PTPRM: variants seen among roughly 807,000 people sequenced by gnomAD.
PTPRM encodes receptor-type tyrosine-protein phosphatase mu.
Under a neutral mutation model 186.7 loss-of-function variants are expected in PTPRM, and 47 were observed. The ratio of observed to expected loss-of-function variants is 0.25; its 90% CI spans 0.20 to 0.32. PTPRM has a LOEUF of 0.32. PTPRM is among the 10% of genes least tolerant of loss of function. PTPRM has a pLI of 1.00. For synonymous variants in PTPRM, 668 were observed against 674.9 expected, an observed-to-expected ratio of 0.99 and a Z score of 0.16; for missense variants, 1,494 against 1,865.0, an observed-to-expected ratio of 0.80 and a Z score of 3.66.
intron 22 of PTPRM, among the ~76,000 whole-genome samples, chr18:8,323,771 C>T (rs1018245803): frequency 5.3e-5 from 8 of 152,208 alleles, no homozygotes; most frequent in African/African-American, 1.2e-4. Context: ...AACAGGGAGA[C>T]GCTTGTGCCC....
intron 5 of PTPRM, among the ~76,000 whole-genome samples, chr18:7,928,646 A>G (rs1430397981): frequency 6.6e-6 from 1 of 152,216 alleles, no homozygotes; most frequent in Admixed American, 6.5e-5. Flanking sequence ...AATATTTATG[A>G]TATTACTTGA....
chr18:7,770,012 C>A (rs1037244872), intron 1 of PTPRM, among the ~76,000 whole-genome samples: 1 of 152,060 alleles, frequency 6.6e-6, no homozygotes, highest in Non-Finnish European at 1.5e-5. Context: ...GTGATTCCCC[C>A]CTGTGAAACA....
At chr18:8,386,015 G>C (rs915906878) in intron 30 of PTPRM, among the ~76,000 whole-genome samples, 1 of 152,068 alleles carries the variant, frequency 6.6e-6, no homozygotes, top group Admixed American at 6.5e-5. Flanking sequence ...TTCCTGTCCT[G>C]AGAGCTAGGA....
At chr18:7,898,080 T>A (rs1338649254) in intron 3 of PTPRM, among the ~76,000 whole-genome samples, 1 of 152,260 alleles carries the variant, frequency 6.6e-6, no homozygotes, top group Admixed American at 6.5e-5. Flanking sequence ...AATATTTTGC[T>A]CCTGATTCTT....
At chr18:8,399,715 C>T (rs991380277) in intron 32 of PTPRM, 2 of 152,226 alleles carry the variant, frequency 1.3e-5, no homozygotes, top group Admixed American at 1.3e-4. Context: ...CCGGATCCCT[C>T]CTCCCAGCTC....
intron 14 of PTPRM, among the ~76,000 whole-genome samples, chr18:8,243,497 T>C (rs924201047): frequency 2.6e-5 from 4 of 152,230 alleles, no homozygotes; most frequent in African/African-American, 4.8e-5. Flanking sequence ...TCTCTGAGCT[T>C]TGTAGGTTCT....
chr18:8,107,294 T>C (rs2091564965), intron 11 of PTPRM, among the ~76,000 whole-genome samples: 1 of 152,164 alleles, frequency 6.6e-6, no homozygotes, highest in Non-Finnish European at 1.5e-5. Context: ...GTGGTGCCTG[T>C]TGTGAAGATT....
chr18:8,220,595 G>A (rs1330384766), intron 14 of PTPRM, among the ~76,000 whole-genome samples: 2 of 152,190 alleles, frequency 1.3e-5, no homozygotes, highest in Non-Finnish European at 2.9e-5. Flanking sequence ...GATCCACTAA[G>A]TGAGGAAAGC....
At chr18:7,963,577 G>C (rs937101993) in intron 7 of PTPRM, among the ~76,000 whole-genome samples, 1 of 152,206 alleles carries the variant, frequency 6.6e-6, no homozygotes, top group African/African-American at 2.4e-5. Flanking sequence ...TGAAATCTTT[G>C]TAGGTGGCTT....
At chr18:8,340,213 C>T (rs78295536) in intron 22 of PTPRM, among the ~76,000 whole-genome samples, 1,792 of 152,312 alleles carry the variant, frequency 0.012, 43 homozygotes, top group African/African-American at 0.041. Context: ...GCGAGGCCAG[C>T]TGCACTGCAG....
rs781692044 is a variant in PTPRM, at chr18:8,335,868, A to G, written c.2957-7555A>G. Reference sequence around the variant, plus strand: ...AAAACCCCATCTCTACTATAAACACAAAAGCTAGCTGGGCGTGGTAGCGCA... The same window carrying G: ...AAAACCCCATCTCTACTATAAACACGAAAGCTAGCTGGGCGTGGTAGCGCA... On this transcript the variant is annotated intron_variant, in intron 22 of 32. Coordinates refer to ENST00000580170, the MANE Select transcript of PTPRM (RefSeq NM_001105244.2). Among the ~76,000 whole-genome samples the G allele has an allele frequency of 3.7e-4, 56 of 152,226 alleles. 2 individuals carry two copies. Among genetic ancestry groups the G allele is most frequent in the Admixed American group, 2.4e-3 (36 of 15,296 alleles).
intron 4 of PTPRM, among the ~76,000 whole-genome samples, chr18:7,920,677 ATAT>A (rs1471720182): frequency 1.3e-5 from 2 of 152,192 alleles, no homozygotes; most frequent in Non-Finnish European, 2.9e-5. Context: ...CTGTATATTA[ATAT>A]TATCCGTGGG....
At chr18:8,133,597 A>G (rs1444510378) in intron 13 of PTPRM, among the ~76,000 whole-genome samples, 2 of 152,124 alleles carry the variant, frequency 1.3e-5, no homozygotes, top group African/African-American at 4.8e-5. Context: ...TTGAAGATGG[A>G]TAGGATTTGA....
intron 4 of PTPRM, 142 bp downstream of exon 4, chr18:7,906,725 G>T: frequency 1.5e-6 from 1 of 672,530 alleles, no homozygotes. Context: ...TGGTTTGCCA[G>T]CCCAGAAATC....
At chr18:8,257,811 G>A (rs964604424) in intron 19 of PTPRM, among the ~76,000 whole-genome samples, 1 of 152,170 alleles carries the variant, frequency 6.6e-6, no homozygotes, top group African/African-American at 2.4e-5. Context: ...TGTTCTCTCT[G>A]CTGAACAGGT....
chr18:7,974,752 A>G (rs559421209), intron 7 of PTPRM, among the ~76,000 whole-genome samples: 1 of 152,334 alleles, frequency 6.6e-6, no homozygotes, highest in African/African-American at 2.4e-5. Context: ...ACGGGCAGAG[A>G]AGAATAGTTC....
At chr18:8,224,426 A>T (rs1397530357) in intron 14 of PTPRM, among the ~76,000 whole-genome samples, 2 of 152,194 alleles carry the variant, frequency 1.3e-5, no homozygotes, top group African/African-American at 4.8e-5. Flanking sequence ...TGAACTATAC[A>T]TTTGGAACAG....
chr18:7,874,065 T>A (rs999720924), intron 2 of PTPRM, among the ~76,000 whole-genome samples: 1 of 152,024 alleles, frequency 6.6e-6, no homozygotes, highest in Non-Finnish European at 1.5e-5. Flanking sequence ...CAGAACAAGC[T>A]GCAGAGGAAT....
chr18:7,906,365 A>T, intron 3 of PTPRM, 140 bp from the exon 4 acceptor site: 1 of 680,920 alleles, frequency 1.5e-6, no homozygotes, highest in South Asian at 1.9e-5. Flanking sequence ...AGAACCTGGA[A>T]CATTGACTAG....
Sources: allele counts gnomAD v4.1 joint callset (sites outside exome capture counted in the v4.1 genomes callset), GRCh38; gene constraint gnomAD v4.1.1; transcripts MANE v1.5; gene names NCBI Gene and HGNC (gene_info 2026-07-23, HGNC 2026-07-21).